The following DIP2B variants were observed in gnomAD, a reference collection of about 807,000 sequenced individuals.
DIP2B encodes the protein disco-interacting protein 2 homolog B.
In DIP2B, 76 loss-of-function variants were observed where a neutral mutation model predicts 198.0. That is an observed-to-expected ratio of 0.38 (90% CI 0.32 to 0.46). The LOEUF (loss-of-function observed/expected upper bound fraction) is 0.46. Ranked by LOEUF, DIP2B falls within the 20% of genes least tolerant of loss-of-function variation. The pLI is 0.99. For synonymous variants in DIP2B, 701 were observed against 739.1 expected (o/e 0.95, Z 0.84); for missense variants, 1,559 against 1,978.4 (o/e 0.79, Z 4.02).
At chr12:50,560,637 G>C (rs1425258972) in intron 1 of DIP2B, among the ~76,000 whole-genome samples, 1 of 152,214 alleles carries the variant, frequency 6.6e-6, no homozygotes, top group Non-Finnish European at 1.5e-5. Context: ...TGTAATCCCA[G>C]CTGCTTGGGA....
chr12:50,526,030 T>C (rs1385044400), intron 1 of DIP2B, among the ~76,000 whole-genome samples: 1 of 152,264 alleles, frequency 6.6e-6, no homozygotes, highest in Non-Finnish European at 1.5e-5. Flanking sequence ...TATATTAATA[T>C]GATTGGATTC....
intron 28 of DIP2B, among the ~76,000 whole-genome samples, chr12:50,725,442 G>T (rs11829407): frequency 2.0e-5 from 3 of 152,116 alleles, no homozygotes; most frequent in African/African-American, 7.2e-5. Flanking sequence ...GATAGTATTC[G>T]TATTAAAGAA....
chr12:50,516,241 C>CTCTCTCTA (rs1555180929), intron 1 of DIP2B, among the ~76,000 whole-genome samples: 2,508 of 140,928 alleles, frequency 0.018, 20 homozygotes, highest in African/African-American at 0.024. Context: ...CTCTCTCTCT[C>CTCTCTCTA]TCTCTATCTC....
In DIP2B at chr12:50,744,883, A is replaced by G; in HGVS notation, c.*44A>G. On this transcript the variant is annotated 3_prime_UTR_variant, in exon 38 of 38. Transcript: ENST00000301180. ...CAGTGGGCCATTCTGAAGAATCACAAAGACAGAAGACCTCTGGCTAAGAGC... is the reference window on the plus strand; with the variant it reads ...CAGTGGGCCATTCTGAAGAATCACAGAGACAGAAGACCTCTGGCTAAGAGC... 1.9e-6 allele frequency: 3 copies of G among 1,601,260 alleles called. No individual in the cohort carries two copies. The highest frequency in any genetic ancestry group is 2.7e-5 in the African/African-American group (2 of 74,716).
At chr12:50,679,107 T>G in intron 8 of DIP2B, 1 of 529,370 alleles carries the variant, frequency 1.9e-6, no homozygotes, top group South Asian at 2.3e-5. Flanking sequence ...GAAGAGAGAC[T>G]TTGTACATCC....
chr12:50,698,225 A>AT, intron 17 of DIP2B, 103 bp from the exon 18 acceptor site: 1 of 1,413,074 alleles, frequency 7.1e-7, no homozygotes, highest in South Asian at 1.5e-5. Flanking sequence ...AAAATGGAGA[A>AT]TTTTTTTGGT....
At position 50,737,999 on chromosome 12, in the gene DIP2B, T is replaced by C. The variant is rs1012776381; in HGVS notation, c.4176+889T>C. ...TCTGCCACTTACAAGCTTCTCAGTA[T>C]TGGACAGGTTAATTTCTTGGGGCCT... is the stretch of plus-strand genomic sequence containing the variant. On this transcript the variant is annotated intron_variant, in intron 35 of 37. Coordinates refer to ENST00000301180, the MANE Select transcript of DIP2B (RefSeq NM_173602.3). 3.3e-5 allele frequency among the ~76,000 whole-genome samples: 5 copies of C among 152,210 alleles called. No homozygotes were observed. In the South Asian group the frequency reaches 8.3e-4, roughly 25 times the overall value.
intron 1 of DIP2B, among the ~76,000 whole-genome samples, chr12:50,594,267 A>G (rs1218990267): frequency 6.6e-6 from 1 of 151,954 alleles, no homozygotes; most frequent in Non-Finnish European, 1.5e-5. Flanking sequence ...TTTAAATGTG[A>G]GGTATCAAAG....
intron 1 of DIP2B, among the ~76,000 whole-genome samples, chr12:50,538,507 A>G (rs1450564260): frequency 3.3e-5 from 5 of 152,176 alleles, no homozygotes; most frequent in African/African-American, 1.2e-4. Context: ...TCAGTTTTGT[A>G]GTTCCTGTAG....
At chr12:50,527,689 G>A (rs1207951085) in intron 1 of DIP2B, among the ~76,000 whole-genome samples, 2 of 152,130 alleles carry the variant, frequency 1.3e-5, no homozygotes, top group Admixed American at 6.6e-5. Flanking sequence ...TAGGCTGGGC[G>A]AAAGAGCAAG....
chr12:50,706,775 G>T, intron 21 of DIP2B, 110 bp downstream of exon 21: 5 of 1,310,588 alleles, frequency 3.8e-6, no homozygotes, highest in Non-Finnish European at 5.1e-6. Flanking sequence ...TGATCAGATT[G>T]TTTTTGTTAA....
intron 1 of DIP2B, among the ~76,000 whole-genome samples, chr12:50,531,230 A>G (rs1958214262): frequency 2.0e-5 from 3 of 152,020 alleles, no homozygotes; most frequent in Non-Finnish European, 4.4e-5. Context: ...TTGTATTTTT[A>G]GTAGAGATGG....
chr12:50,589,196 T>C (rs1958797406), intron 1 of DIP2B, among the ~76,000 whole-genome samples: 1 of 150,216 alleles, frequency 6.7e-6, no homozygotes, highest in Non-Finnish European at 1.5e-5. Flanking sequence ...AAAAATAAAA[T>C]AAAATAAAAT....
intron 3 of DIP2B, among the ~76,000 whole-genome samples, chr12:50,658,716 C>T (rs1938594534): frequency 1.3e-5 from 2 of 152,284 alleles, no homozygotes; most frequent in East Asian, 3.9e-4. Context: ...AAATACTATG[C>T]AGCCCTTAAA....
At chr12:50,541,970 C>G (rs1408096359) in intron 1 of DIP2B, among the ~76,000 whole-genome samples, 1 of 148,892 alleles carries the variant, frequency 6.7e-6, no homozygotes, top group African/African-American at 2.5e-5. Context: ...CCACTGCACT[C>G]CAGCCTAGGT....
chr12:50,640,360 C>T (rs1044978507), intron 2 of DIP2B, among the ~76,000 whole-genome samples: 1 of 152,068 alleles, frequency 6.6e-6, no homozygotes, highest in Non-Finnish European at 1.5e-5. Flanking sequence ...GAGTGACTGA[C>T]GGTATGGTAG....
chr12:50,705,480 T>G (rs1351423328), intron 20 of DIP2B, among the ~76,000 whole-genome samples: 1 of 152,228 alleles, frequency 6.6e-6, no homozygotes, highest in East Asian at 1.9e-4. Flanking sequence ...GCAGTCCTCC[T>G]CTTTAAAGGA....
At chr12:50,518,854 A>G (rs1958089950) in intron 1 of DIP2B, among the ~76,000 whole-genome samples, 1 of 152,024 alleles carries the variant, frequency 6.6e-6, no homozygotes, top group South Asian at 2.1e-4. Flanking sequence ...TTCTGTACAC[A>G]AGCAATCCTC....
At chr12:50,623,159 G>A (rs1214769886) in intron 1 of DIP2B, among the ~76,000 whole-genome samples, 2 of 152,002 alleles carry the variant, frequency 1.3e-5, no homozygotes, top group African/African-American at 2.4e-5. Flanking sequence ...CGAGACGAGA[G>A]GATTGCTTGA....
Sources: gnomAD v4.1 joint callset for allele counts (sites outside exome capture counted in the v4.1 genomes callset) on GRCh38, gnomAD v4.1.1 for gene constraint, MANE v1.5 for transcripts, NCBI Gene and HGNC (gene_info 2026-07-23, HGNC 2026-07-21) for gene names.